The following RNF138 variants were observed in gnomAD, a reference collection of about 807,000 sequenced individuals.
RNF138 encodes the protein E3 ubiquitin-protein ligase RNF138.
A neutral mutation model predicts 31.0 loss-of-function variants in RNF138; 12 were observed. The observed-to-expected ratio is 0.39, with a 90% CI of 0.25 to 0.63. The LOEUF is 0.63. Among genes scored for constraint, RNF138 ranks in the 20% least tolerant of loss-of-function variants. The pLI, the probability that RNF138 is intolerant of heterozygous loss-of-function variation, is 0.52. For missense variants in RNF138, 192 were observed against 300.1 expected, an observed-to-expected ratio of 0.64 and a Z score of 2.66; for synonymous variants, 105 against 99.5, an observed-to-expected ratio of 1.06 and a Z score of -0.33.
chr18:32,124,514 G>A, intron 5 of RNF138: 1 of 435,054 alleles, frequency 2.3e-6, no homozygotes. Flanking sequence ...GAGGTGCCAT[G>A]AAAAAATTTA....
intron 2 of RNF138, among the ~76,000 whole-genome samples, chr18:32,102,321 C>T (rs1299663880): frequency 6.6e-6 from 1 of 150,874 alleles, no homozygotes; most frequent in Non-Finnish European, 1.5e-5. Flanking sequence ...CCTGCCTCAG[C>T]CTCCCGAGTA....
At position 32,092,173 on chromosome 18, in the gene RNF138, G is replaced by A. The variant is rs1023124063; in HGVS notation, c.-140G>A. ...GGAAGCTCGAGGAAAGCGCTGGGCC[G>A]GGTCTCTACGAACACGTGAAGGAAA... On this transcript the variant is annotated 5_prime_UTR_variant, in exon 1 of 8. Transcript: ENST00000261593. 6.6e-6 allele frequency: 1 copy of A among 152,572 alleles called. No individual in the cohort carries two copies. Among genetic ancestry groups the A allele is most frequent in the Admixed American group, 6.5e-5 (1 of 15,290 alleles). The allele number at this position is 152,572 out of a possible 1,614,324, so 9.5% of individuals were successfully genotyped here.
chr18:32,100,756 G>C (rs1384175500), intron 2 of RNF138, among the ~76,000 whole-genome samples: 2 of 151,962 alleles, frequency 1.3e-5, no homozygotes, highest in Non-Finnish European at 2.9e-5. Flanking sequence ...GATTACAGGC[G>C]TGAGCCCCCG....
At chr18:32,119,860 ATTAG>A (rs1361546999) in intron 4 of RNF138, among the ~76,000 whole-genome samples, 1 of 152,120 alleles carries the variant, frequency 6.6e-6, no homozygotes, top group Non-Finnish European at 1.5e-5. Flanking sequence ...TGATAATCTA[ATTAG>A]TTATTACTAG....
chr18:32,100,318 G>T (rs2039906728), intron 2 of RNF138, among the ~76,000 whole-genome samples: 1 of 151,424 alleles, frequency 6.6e-6, no homozygotes, highest in South Asian at 2.1e-4. Context: ...TTGAGACAGG[G>T]TCTTTCTCTG....
intron 2 of RNF138, among the ~76,000 whole-genome samples, chr18:32,104,392 G>A (rs1380727598): frequency 6.6e-6 from 1 of 152,036 alleles, no homozygotes; most frequent in Non-Finnish European, 1.5e-5. Flanking sequence ...GTAAGCTTTA[G>A]GTGCTTTTCT....
intron 2 of RNF138, among the ~76,000 whole-genome samples, chr18:32,097,038 A>G (rs1418836966): frequency 6.6e-6 from 1 of 152,024 alleles, no homozygotes; most frequent in Non-Finnish European, 1.5e-5. Context: ...GGCAGATGTA[A>G]TATTTTGAAA....
chr18:32,097,802 C>T (rs1050237172), intron 2 of RNF138, among the ~76,000 whole-genome samples: 3 of 151,966 alleles, frequency 2.0e-5, no homozygotes, highest in Admixed American at 2.0e-4. Context: ...GGATTATAGG[C>T]ATGAGCCACT....
intron 4 of RNF138, among the ~76,000 whole-genome samples, chr18:32,119,991 A>T (rs891367635): frequency 6.6e-6 from 1 of 152,150 alleles, no homozygotes; most frequent in Non-Finnish European, 1.5e-5. Flanking sequence ...TAGATTTATT[A>T]TATAGAAAAT....
At chr18:32,108,275 C>T (rs943122804) in intron 2 of RNF138, among the ~76,000 whole-genome samples, 1 of 152,178 alleles carries the variant, frequency 6.6e-6, no homozygotes, top group African/African-American at 2.4e-5. Context: ...ACACCTATGT[C>T]AAGCAACAGA....
intron 4 of RNF138, among the ~76,000 whole-genome samples, chr18:32,116,656 G>T (rs2040221162): frequency 6.6e-6 from 1 of 151,798 alleles, no homozygotes; most frequent in African/African-American, 2.4e-5. Flanking sequence ...GGCTCAAGCA[G>T]TCCTTCTGCC....
intron 4 of RNF138, among the ~76,000 whole-genome samples, chr18:32,115,759 GCA>G (rs912101281): frequency 2.0e-5 from 3 of 151,418 alleles, no homozygotes; most frequent in East Asian, 1.9e-4. Flanking sequence ...ACACACACAC[GCA>G]CACACACGCA....
chr18:32,099,735 A>C (rs1367275654), intron 2 of RNF138, among the ~76,000 whole-genome samples: 6 of 152,188 alleles, frequency 3.9e-5, no homozygotes. Flanking sequence ...ACAGTTTGTA[A>C]TCATAACATT....
rs1447099713 is a variant in RNF138 at position 32,130,778 on chromosome 18, T to TAACA, written c.*1593_*1596dup. On this transcript the variant is annotated 3_prime_UTR_variant, in exon 8 of 8. Transcript: ENST00000261593. Reference sequence around the variant, plus strand: ...TAAAGACTTTATTTATGGATTGTAATAACAACCACAAGAAAAGCCATACAT... The same window carrying TAACA: ...TAAAGACTTTATTTATGGATTGTAATAACAAACAACCACAAGAAAAGCCATACAT... 5 of 152,496 alleles carry TAACA rather than the reference T, an allele frequency of 3.3e-5. No individual in the cohort carries two copies. Among genetic ancestry groups the TAACA allele is most frequent in the Admixed American group, 6.5e-5 (1 of 15,268 alleles). The allele number at this position is 152,496 out of a possible 1,614,324, so 9.4% of individuals were successfully genotyped here.
At chr18:32,117,596 TGAATATACGG>T (rs2040238149) in intron 4 of RNF138, among the ~76,000 whole-genome samples, 1 of 152,248 alleles carries the variant, frequency 6.6e-6, no homozygotes, top group Non-Finnish European at 1.5e-5. Flanking sequence ...CTCCACGTTA[TGAATATACGG>T]GAATTGGTAA....
chr18:32,103,676 T>G (rs1038182666), intron 2 of RNF138, among the ~76,000 whole-genome samples: 1 of 152,086 alleles, frequency 6.6e-6, no homozygotes, highest in Non-Finnish European at 1.5e-5. Context: ...TTTTGAAAAC[T>G]TCATGGGCCG....
chr18:32,120,013 C>T (rs2040278126), intron 4 of RNF138, among the ~76,000 whole-genome samples: 1 of 152,006 alleles, frequency 6.6e-6, no homozygotes, highest in African/African-American at 2.4e-5. Flanking sequence ...ATTATGTTCT[C>T]CCATAGTTTT....
At chr18:32,092,389 G>C (rs2039706918) in intron 1 of RNF138, among the ~76,000 whole-genome samples, 154 bp downstream of exon 1, 1 of 152,110 alleles carries the variant, frequency 6.6e-6, no homozygotes, top group African/African-American at 2.4e-5. Context: ...GCGAAGACGG[G>C]GGCTGAGGGC....
intron 4 of RNF138, among the ~76,000 whole-genome samples, chr18:32,115,746 AACAC>A (rs970798456): frequency 9.2e-5 from 14 of 152,084 alleles, no homozygotes; most frequent in Admixed American, 2.6e-4. Context: ...CTCCGTCTAA[AACAC>A]ACACACACGC....
Sources: gnomAD v4.1 joint callset for allele counts (sites outside exome capture counted in the v4.1 genomes callset) on GRCh38, gnomAD v4.1.1 for gene constraint, MANE v1.5 for transcripts, NCBI Gene and HGNC (gene_info 2026-07-23, HGNC 2026-07-21) for gene names.